TSPAN5: variants seen among roughly 807,000 people sequenced by gnomAD.
TSPAN5 encodes tetraspanin-5.
TSPAN5 carries 10 observed loss-of-function variants against 37.1 expected under a neutral mutation model. The observed-to-expected ratio is 0.27, with a 90% confidence interval of 0.17 to 0.46. The LOEUF (loss-of-function observed/expected upper bound fraction) is 0.46, where lower values mean the gene tolerates loss of function less well. TSPAN5 is among the 20% of genes least tolerant of loss of function. TSPAN5 has a pLI of 1.00. For missense variants in TSPAN5, 195 were observed against 326.6 expected, an observed-to-expected ratio of 0.60 and a Z score of 3.11; for synonymous variants, 110 against 118.9, an observed-to-expected ratio of 0.93 and a Z score of 0.48.
intron 1 of TSPAN5, among the ~76,000 whole-genome samples, chr4:98,610,200 G>A (rs1756147554): frequency 6.6e-6 from 1 of 152,296 alleles, no homozygotes; most frequent in South Asian, 2.1e-4. Flanking sequence ...CCTTCTTGTT[G>A]CATCATCCCA....
In TSPAN5 at chr4:98,595,141, T is replaced by G. The variant is rs973215146; in HGVS notation, c.81+63005A>C. ...AGCCTGTTATTGGTCTATTCAGAGATTCAACTTCTTCCTGGTTTTGTCTTG... is the reference window on the plus strand; with the variant it reads ...AGCCTGTTATTGGTCTATTCAGAGAGTCAACTTCTTCCTGGTTTTGTCTTG... On this transcript the variant is annotated intron_variant, in intron 1 of 7. Coordinates refer to ENST00000305798, the MANE Select transcript of TSPAN5 (RefSeq NM_005723.4). 2.3e-4 allele frequency among the ~76,000 whole-genome samples: 24 copies of G among 105,438 alleles called. 3 individuals are homozygous for G. The highest frequency in any genetic ancestry group is 7.6e-4 in the African/African-American group (16 of 20,934). 69.2% of individuals were successfully genotyped at this position (105,438 alleles called of 152,430 possible). A position where few individuals can be genotyped will look rare whatever the true frequency, so the allele number is the denominator to read the frequency against.
chr4:98,527,517 C>T (rs1177769109), intron 1 of TSPAN5, among the ~76,000 whole-genome samples: 15 of 152,180 alleles, frequency 9.9e-5, no homozygotes, highest in Admixed American at 9.8e-4. Context: ...CTTCATTCTG[C>T]AGCCATGAAG....
intron 2 of TSPAN5, among the ~76,000 whole-genome samples, chr4:98,493,036 G>A (rs1753119010): frequency 6.6e-6 from 1 of 152,010 alleles, no homozygotes; most frequent in Admixed American, 6.6e-5. Flanking sequence ...CATAAGTCAG[G>A]TACACTGGTG....
At chr4:98,610,346 G>A (rs147661534) in intron 1 of TSPAN5, among the ~76,000 whole-genome samples, 28 of 152,264 alleles carry the variant, frequency 1.8e-4, no homozygotes, top group East Asian at 1.2e-3. Flanking sequence ...CTCCCATCAC[G>A]GTTACACTGG....
At chr4:98,525,006 C>T (rs1356121133) in intron 1 of TSPAN5, among the ~76,000 whole-genome samples, 2 of 152,104 alleles carry the variant, frequency 1.3e-5, no homozygotes, top group East Asian at 3.8e-4. Context: ...TGTTAGTTTA[C>T]GTAGCTGCAC....
intron 1 of TSPAN5, among the ~76,000 whole-genome samples, chr4:98,510,618 G>A (rs1753582602): frequency 1.3e-5 from 2 of 152,110 alleles, no homozygotes; most frequent in Admixed American, 1.3e-4. Context: ...GAAACCAATG[G>A]TTTTCCATAA....
chr4:98,656,235 A>C (rs1485563111), intron 1 of TSPAN5, among the ~76,000 whole-genome samples: 1 of 152,178 alleles, frequency 6.6e-6, no homozygotes, highest in Non-Finnish European at 1.5e-5. Flanking sequence ...TATGCACTCC[A>C]CAGAATTACA....
At chr4:98,547,091 T>C (rs1754487438) in intron 1 of TSPAN5, among the ~76,000 whole-genome samples, 1 of 152,132 alleles carries the variant, frequency 6.6e-6, no homozygotes, top group South Asian at 2.1e-4. Context: ...TAGCCTTGCC[T>C]GGGCTAAAAG....
chr4:98,656,309 G>T (rs1407118895), intron 1 of TSPAN5, among the ~76,000 whole-genome samples: 2 of 152,162 alleles, frequency 1.3e-5, no homozygotes, highest in Non-Finnish European at 2.9e-5. Context: ...CTAGGAAACG[G>T]CAGAGAAAGT....
chr4:98,609,603 C>T (rs745306991), intron 1 of TSPAN5, among the ~76,000 whole-genome samples: 1 of 152,200 alleles, frequency 6.6e-6, no homozygotes, highest in Non-Finnish European at 1.5e-5. Flanking sequence ...TCCAGCCTCT[C>T]GTGTCCAGGT....
intron 1 of TSPAN5, among the ~76,000 whole-genome samples, chr4:98,641,491 G>C (rs1418970859): frequency 6.6e-6 from 1 of 152,196 alleles, no homozygotes; most frequent in African/African-American, 2.4e-5. Context: ...TTTTGAGTCT[G>C]CTCATTCCAA....
intron 1 of TSPAN5, among the ~76,000 whole-genome samples, chr4:98,573,023 T>C (rs573860888): frequency 9.2e-5 from 14 of 152,318 alleles, no homozygotes; most frequent in African/African-American, 2.9e-4. Flanking sequence ...AAAAGTAACA[T>C]AGACCCTTCT....
chr4:98,554,707 A>G (rs1754699564), intron 1 of TSPAN5, among the ~76,000 whole-genome samples: 1 of 152,238 alleles, frequency 6.6e-6, no homozygotes, highest in Non-Finnish European at 1.5e-5. Flanking sequence ...CCATTACCAC[A>G]GAAAATATAA....
intron 1 of TSPAN5, among the ~76,000 whole-genome samples, chr4:98,527,261 T>A (rs1265895813): frequency 6.6e-6 from 1 of 152,206 alleles, no homozygotes; most frequent in African/African-American, 2.4e-5. Context: ...TATGAAATGA[T>A]CAGAGCTGGG....
intron 1 of TSPAN5, among the ~76,000 whole-genome samples, chr4:98,633,521 A>G (rs13102356): frequency 0.12 from 18,667 of 152,176 alleles, 1,330 homozygotes; most frequent in South Asian, 0.31. Flanking sequence ...AGGATTCGAA[A>G]TCTCTAAAAT....
intron 1 of TSPAN5, among the ~76,000 whole-genome samples, chr4:98,570,286 G>A (rs1380145410): frequency 6.6e-6 from 1 of 152,148 alleles, no homozygotes; most frequent in African/African-American, 2.4e-5. Context: ...AGCAACACAT[G>A]TAGAAACTCC....
At chr4:98,533,752 A>T (rs547512968) in intron 1 of TSPAN5, among the ~76,000 whole-genome samples, 8 of 148,140 alleles carry the variant, frequency 5.4e-5, no homozygotes, top group African/African-American at 2.0e-4. Flanking sequence ...GGGTTTCACC[A>T]TGTTAGCCAG....
chr4:98,628,058 T>C (rs1008369556), intron 1 of TSPAN5, among the ~76,000 whole-genome samples: 5 of 152,190 alleles, frequency 3.3e-5, no homozygotes, highest in Non-Finnish European at 5.9e-5. Context: ...AGTGCAATAA[T>C]AATCTGAGTA....
intron 1 of TSPAN5, among the ~76,000 whole-genome samples, chr4:98,626,388 C>T (rs1213549932): frequency 1.3e-5 from 2 of 152,168 alleles, no homozygotes; most frequent in African/African-American, 4.8e-5. Flanking sequence ...CTGCTTATTC[C>T]GTAAACAACA....
Sources: allele counts gnomAD v4.1 joint callset (sites outside exome capture counted in the v4.1 genomes callset), GRCh38; gene constraint gnomAD v4.1.1; transcripts MANE v1.5; gene names NCBI Gene and HGNC (gene_info 2026-07-23, HGNC 2026-07-21).